The following ZNF69 variants were observed in gnomAD, a reference collection of about 807,000 sequenced individuals.
ZNF69 encodes ZNF3.
Under a neutral mutation model 50.9 loss-of-function variants are expected in ZNF69, and 47 were observed. The ratio of observed to expected loss-of-function variants is 0.92; its 90% CI spans 0.73 to 1.18. The LOEUF (loss-of-function observed/expected upper bound fraction) is 1.18, where lower values mean the gene tolerates loss of function less well. Among genes scored for constraint, ZNF69 ranks in the 50% most tolerant of loss-of-function variants. The pLI is 0.00. For synonymous variants in ZNF69, 216 were observed against 223.1 expected (o/e 0.97, Z 0.29); for missense variants, 717 against 675.1 (o/e 1.06, Z -0.69).
the ZNF69 span, chr19:11,965,284 G>A: frequency 6.2e-7 from 1 of 1,604,982 alleles, no homozygotes; most frequent in South Asian, 1.1e-5. Context: ...GGCTGCGGCG[G>A]GACCCGGGCC....
At chr19:11,946,406 T>C in the ZNF69 span, among the ~76,000 whole-genome samples, 2 of 152,124 alleles carry the variant, frequency 1.3e-5, no homozygotes, top group African/African-American at 4.8e-5. Context: ...TCCTCTGACA[T>C]TGGGTCAGAT....
chr19:11,899,500 A>G (rs2145226441), intron 1 of ZNF69, among the ~76,000 whole-genome samples: 1 of 152,130 alleles, frequency 6.6e-6, no homozygotes, highest in South Asian at 2.1e-4. Context: ...TTATTCATCT[A>G]CTGAAAGACT....
At chr19:11,953,777 A>T in the ZNF69 span, among the ~76,000 whole-genome samples, 1 of 152,328 alleles carries the variant, frequency 6.6e-6, no homozygotes, top group South Asian at 2.1e-4. Flanking sequence ...ACCCAACATT[A>T]CCCTGGATGA....
the ZNF69 span, among the ~76,000 whole-genome samples, chr19:11,956,933 G>A: frequency 6.6e-6 from 1 of 152,082 alleles, no homozygotes; most frequent in Non-Finnish European, 1.5e-5. Flanking sequence ...GACCATGGGA[G>A]GAGCGCTTTA....
chr19:11,893,834 C>T (rs575828963), intron 1 of ZNF69, among the ~76,000 whole-genome samples: 2 of 152,286 alleles, frequency 1.3e-5, no homozygotes, highest in East Asian at 3.9e-4. Flanking sequence ...CTTCTCTCTC[C>T]CAACTCCAAT....
At chr19:11,921,656 C>T in the ZNF69 span, among the ~76,000 whole-genome samples, 3 of 152,102 alleles carry the variant, frequency 2.0e-5, no homozygotes, top group African/African-American at 7.2e-5. Flanking sequence ...GCACCTGCCA[C>T]TACGCCCAGC....
the ZNF69 span, among the ~76,000 whole-genome samples, chr19:11,941,975 T>G: frequency 0.032 from 2 of 62 alleles, no homozygotes; most frequent in African/African-American, 0.1. Context: ...GAATCTGTGC[T>G]TATTACACCT....
At chr19:11,892,199 C>G (rs947589995) in intron 1 of ZNF69, among the ~76,000 whole-genome samples, 8 of 144,094 alleles carry the variant, frequency 5.6e-5, no homozygotes, top group Non-Finnish European at 9.0e-5. Context: ...AGGCTGGTCT[C>G]TAGCTCCTGG....
At chr19:11,903,519 C>T (rs1057344779) in intron 1 of ZNF69, 54 bp from the exon 2 acceptor site, 11 of 1,607,540 alleles carry the variant, frequency 6.8e-6, no homozygotes, top group South Asian at 4.4e-5. Context: ...AGAGTCTAGG[C>T]CCCCAGTGCT....
At chr19:11,934,264 C>T in the ZNF69 span, among the ~76,000 whole-genome samples, 4 of 147,930 alleles carry the variant, frequency 2.7e-5, no homozygotes, top group East Asian at 7.7e-4. Context: ...TGTGGGAGGA[C>T]TTTTGTGTGG....
downstream of ZNF69, among the ~76,000 whole-genome samples, chr19:11,916,996 G>A (rs879183443): frequency 3.2e-4 from 49 of 152,256 alleles, 1 homozygote; most frequent in East Asian, 2.1e-3. Flanking sequence ...GTGGGTAAAT[G>A]TAAGTGAACT....
chr19:11,971,601 G>C, the ZNF69 span, among the ~76,000 whole-genome samples: 1 of 152,018 alleles, frequency 6.6e-6, no homozygotes, highest in Non-Finnish European at 1.5e-5. Context: ...AACTGTAGTC[G>C]TATTTCAAAG....
At chr19:11,970,017 G>A in the ZNF69 span, among the ~76,000 whole-genome samples, 8 of 152,318 alleles carry the variant, frequency 5.3e-5, no homozygotes, top group East Asian at 1.9e-4. Flanking sequence ...TAGTGCCTTA[G>A]GGGAGTGGGA....
the ZNF69 span, among the ~76,000 whole-genome samples, chr19:11,963,280 TG>T: frequency 6.6e-6 from 1 of 152,094 alleles, no homozygotes; most frequent in Non-Finnish European, 1.5e-5. Flanking sequence ...TGTATGGAGT[TG>T]GGAGGGTCTC....
chr19:11,903,323 G>A (rs1416056486), intron 1 of ZNF69, among the ~76,000 whole-genome samples: 1 of 152,184 alleles, frequency 6.6e-6, no homozygotes, highest in Non-Finnish European at 1.5e-5. Flanking sequence ...CTCAGGCTGA[G>A]GAAGAAGAAG....
downstream of ZNF69, among the ~76,000 whole-genome samples, chr19:11,916,302 C>T (rs1972521317): frequency 6.6e-6 from 1 of 151,938 alleles, no homozygotes. Flanking sequence ...TGTATATAGG[C>T]TTAGAAGGGG....
intron 1 of ZNF69, among the ~76,000 whole-genome samples, chr19:11,899,571 A>G (rs552630053): frequency 6.6e-6 from 1 of 152,018 alleles, no homozygotes; most frequent in African/African-American, 2.4e-5. Context: ...GACTGAGGTG[A>G]GATTGCTTAA....
chr19:11,901,944 A>T (rs930877937), intron 1 of ZNF69, among the ~76,000 whole-genome samples: 1 of 148,500 alleles, frequency 6.7e-6, no homozygotes, highest in Non-Finnish European at 1.5e-5. Flanking sequence ...CTGAGGTTTC[A>T]TGCATGTTGT....
chr19:11,944,015 G>A, the ZNF69 span, among the ~76,000 whole-genome samples: 4 of 152,094 alleles, frequency 2.6e-5, no homozygotes, highest in East Asian at 1.9e-4. Context: ...CTACCTTCAC[G>A]GTGGTGTGAG....
Sources: gnomAD v4.1 joint callset for allele counts (sites outside exome capture counted in the v4.1 genomes callset) on GRCh38, gnomAD v4.1.1 for gene constraint, MANE v1.5 for transcripts, NCBI Gene and HGNC (gene_info 2026-07-23, HGNC 2026-07-21) for gene names.